Variants in SPECC1 observed in about 807,000 individuals in gnomAD.
The protein encoded by SPECC1 is sperm antigen with calponin homology and coiled-coil domains 1, also known as cytospin-B.
SPECC1 carries 62 observed loss-of-function variants against 104.1 expected under a neutral mutation model. The observed-to-expected ratio is 0.60, with a 90% CI of 0.49 to 0.74. SPECC1 has a LOEUF of 0.74. SPECC1 is among the 30% of genes least tolerant of loss of function. The pLI is 0.00. For synonymous variants in SPECC1, 513 were observed against 501.6 expected, an observed-to-expected ratio of 1.02 and a Z score of -0.30; for missense variants, 1,306 against 1,310.5, an observed-to-expected ratio of 1.00 and a Z score of 0.05.
intron 5 of SPECC1, among the ~76,000 whole-genome samples, chr17:20,230,480 T>A (rs1291493183): frequency 6.8e-6 from 1 of 148,046 alleles, no homozygotes; most frequent in African/African-American, 2.6e-5. Flanking sequence ...CCCAGCACCA[T>A]GATTGAGAAG....
At chr17:20,079,664 C>T (rs2046890945) in intron 1 of SPECC1, among the ~76,000 whole-genome samples, 1 of 152,218 alleles carries the variant, frequency 6.6e-6, no homozygotes, top group Admixed American at 6.5e-5. Flanking sequence ...AGACATCCAG[C>T]ACCCAGTCTG....
At chr17:20,047,353 G>T (rs762695776) in intron 1 of SPECC1, among the ~76,000 whole-genome samples, 1 of 152,056 alleles carries the variant, frequency 6.6e-6, no homozygotes, top group South Asian at 2.1e-4. Context: ...GCCTTTTTCC[G>T]CATTATGGGT....
At chr17:20,167,482 C>T (rs978605303) in intron 3 of SPECC1, among the ~76,000 whole-genome samples, 5 of 152,016 alleles carry the variant, frequency 3.3e-5, no homozygotes, top group African/African-American at 1.2e-4. Flanking sequence ...AGTTCGAGAC[C>T]AGCCTGACCA....
chr17:20,068,262 G>T (rs1480411576), intron 1 of SPECC1, among the ~76,000 whole-genome samples: 1 of 152,182 alleles, frequency 6.6e-6, no homozygotes, highest in Non-Finnish European at 1.5e-5. Flanking sequence ...TGCCCAGCCT[G>T]TGTGGCTCCT....
chr17:20,212,528 C>G (rs1360276907), intron 4 of SPECC1, among the ~76,000 whole-genome samples: 1 of 152,136 alleles, frequency 6.6e-6, no homozygotes, highest in Non-Finnish European at 1.5e-5. Context: ...ATATAATCAT[C>G]AGATCTCGTG....
intron 3 of SPECC1, among the ~76,000 whole-genome samples, chr17:20,162,588 A>G (rs566257284): frequency 1.3e-5 from 2 of 152,260 alleles, no homozygotes; most frequent in African/African-American, 4.8e-5. Context: ...AAAGCACCTG[A>G]TAAGTTTTAG....
chr17:20,192,215 G>A (rs1216848119), intron 3 of SPECC1, among the ~76,000 whole-genome samples: 1 of 151,944 alleles, frequency 6.6e-6, no homozygotes, highest in Non-Finnish European at 1.5e-5. Flanking sequence ...TGATCCTCCC[G>A]CCCTGGCCTC....
chr17:20,074,255 A>G (rs528158820), intron 1 of SPECC1, among the ~76,000 whole-genome samples: 13 of 152,330 alleles, frequency 8.5e-5, no homozygotes, highest in Non-Finnish European at 1.8e-4. Flanking sequence ...TAATGTCGCA[A>G]TGCTCAACAT....
At chr17:20,012,716 A>C (rs1192055337) in intron 1 of SPECC1, among the ~76,000 whole-genome samples, 1 of 151,928 alleles carries the variant, frequency 6.6e-6, no homozygotes, top group East Asian at 1.9e-4. Flanking sequence ...AAATAACATA[A>C]AATTTATTAT....
chr17:20,010,748 A>G (rs1185798720), intron 1 of SPECC1, among the ~76,000 whole-genome samples: 1 of 152,156 alleles, frequency 6.6e-6, no homozygotes, highest in East Asian at 1.9e-4. Context: ...AGTGTTGACT[A>G]TTGAGGTTAA....
chr17:20,036,376 C>T (rs932094489), intron 1 of SPECC1, among the ~76,000 whole-genome samples: 9 of 151,910 alleles, frequency 5.9e-5, no homozygotes, highest in Admixed American at 4.6e-4. Flanking sequence ...GTTTTCTGCT[C>T]GCCTCAGCCT....
intron 2 of SPECC1, among the ~76,000 whole-genome samples, chr17:20,107,271 A>C (rs1200043989): frequency 6.6e-6 from 1 of 151,620 alleles, no homozygotes; most frequent in Non-Finnish European, 1.5e-5. Flanking sequence ...TAAAGTTAAT[A>C]ATTTGTTTTG....
chr17:20,160,395 G>T (rs1458405766), intron 3 of SPECC1, among the ~76,000 whole-genome samples: 1 of 152,038 alleles, frequency 6.6e-6, no homozygotes, highest in African/African-American at 2.4e-5. Context: ...GCCTAGAAGT[G>T]GTGCACATTA....
intron 3 of SPECC1, among the ~76,000 whole-genome samples, chr17:20,186,321 TAAAAAA>T (rs143021200): frequency 6.6e-6 from 1 of 152,102 alleles, no homozygotes. Flanking sequence ...CATTACATCT[TAAAAAA>T]AGCAATGTAC....
At chr17:20,103,500 C>G (rs1264061153) in intron 2 of SPECC1, among the ~76,000 whole-genome samples, 2 of 152,150 alleles carry the variant, frequency 1.3e-5, no homozygotes, top group Non-Finnish European at 2.9e-5. Flanking sequence ...CGTCCAGCCT[C>G]TAGTGGGTTT....
In SPECC1 at chr17:20,203,875, A is replaced by T. The variant is rs533869819; in HGVS notation, c.284-458A>T. 2.6e-5 allele frequency among the ~76,000 whole-genome samples: 4 copies of T among 152,342 alleles called. No homozygotes were observed. In the East Asian group the frequency reaches 7.7e-4, roughly 29 times the overall value. ...CCAAACTTCAGGGTTGATTTGATTTAGCAACTTAACAATGCTATTGAGAGT... is the reference window on the plus strand; with the variant it reads ...CCAAACTTCAGGGTTGATTTGATTTTGCAACTTAACAATGCTATTGAGAGT... On this transcript the variant is annotated intron_variant, in intron 3 of 14. Coordinates refer to ENST00000395527, the MANE Select transcript of SPECC1 (RefSeq NM_001243439.2).
intron 7 of SPECC1, among the ~76,000 whole-genome samples, chr17:20,241,408 C>T (rs754435277): frequency 6.6e-6 from 1 of 152,132 alleles, no homozygotes; most frequent in African/African-American, 2.4e-5. Flanking sequence ...GCCAAAACGC[C>T]GTGCATCTCT....
rs1465262232 is a variant in SPECC1, at chr17:20,316,769, C to G, written c.*2704C>G. ...TGGAGTGCCAGTGGCGCGATTTCAG[C>G]TCACTCAGGAGTGAGCCACCACACC... is the stretch of plus-strand genomic sequence containing the variant. On this transcript the variant is annotated 3_prime_UTR_variant, in exon 15 of 15. Coordinates refer to ENST00000395527, the MANE Select transcript of SPECC1 (RefSeq NM_001243439.2). 1 of 199,230 alleles carries G rather than the reference C, an allele frequency of 5.0e-6. No individual in the cohort carries two copies. Among genetic ancestry groups the G allele is most frequent in the Admixed American group, 6.0e-5 (1 of 16,564 alleles). 12.3% of individuals were successfully genotyped at this position (199,230 alleles called of 1,614,324 possible).
intron 1 of SPECC1, among the ~76,000 whole-genome samples, chr17:20,023,645 C>T (rs1046887020): frequency 6.6e-6 from 1 of 152,048 alleles, no homozygotes; most frequent in Non-Finnish European, 1.5e-5. Context: ...TCTGCAAATT[C>T]CATGGGGTGA....
Sources: gnomAD v4.1 joint callset for allele counts (sites outside exome capture counted in the v4.1 genomes callset) on GRCh38, gnomAD v4.1.1 for gene constraint, MANE v1.5 for transcripts, NCBI Gene and HGNC (gene_info 2026-07-23, HGNC 2026-07-21) for gene names.